PAEP: variants seen among roughly 807,000 people sequenced by gnomAD.
PAEP encodes glycodelin.
A neutral mutation model predicts 23.0 loss-of-function variants in PAEP; 28 were observed. That is an observed-to-expected ratio of 1.22 (90% confidence interval 0.90 to 1.67). The LOEUF (loss-of-function observed/expected upper bound fraction) is 1.67, where lower values mean the gene tolerates loss of function less well. PAEP is among the 40% of genes most tolerant of loss of function. The pLI, the probability that PAEP is intolerant of heterozygous loss-of-function variation, is 0.00. For synonymous variants in PAEP, 103 were observed against 92.4 expected (o/e 1.12, Z -0.66); for missense variants, 209 against 226.4 (o/e 0.92, Z 0.49).
At chr9:135,562,217 G>C in intron 1 of PAEP, 77 bp from the exon 2 acceptor site, 1 of 1,529,972 alleles carries the variant, frequency 6.5e-7, no homozygotes, top group Non-Finnish European at 8.9e-7. Flanking sequence ...ATCCCAGTTA[G>C]ACTCAGCCCC....
Position 135,565,259 on chromosome 9 carries a change from C to T in PAEP, c.422-151C>T, listed in dbSNP as rs1230985186. ...GTGCAGTGGACAGAGCCCCGGAGAC[C>T]GCCCTAGGGACCTACTCCAGACCAA... On this transcript the variant is annotated intron_variant, in intron 4 of 6. Transcript: ENST00000479141. The T allele has an allele frequency of 1.1e-5, 7 of 652,856 alleles. No individual in the cohort carries two copies. The East Asian group carries it at 1.1e-4, about 10-fold the overall frequency. 40.4% of individuals were successfully genotyped at this position (652,856 alleles called of 1,614,324 possible).
chr9:135,562,173 G>A, intron 1 of PAEP, 121 bp from the exon 2 acceptor site: 2 of 1,137,154 alleles, frequency 1.8e-6, no homozygotes, highest in Non-Finnish European at 2.5e-6. Context: ...GGATCTGGTA[G>A]ATAGCAGACA....
At position 135,562,896 on chromosome 9, in the gene PAEP, G is replaced by T. The variant is rs759872581; in HGVS notation, c.310+3G>T. 6.2e-7 allele frequency: 1 copy of T among 1,612,116 alleles called. No homozygotes were observed. Among genetic ancestry groups the T allele is most frequent in the Non-Finnish European group, 8.5e-7 (1 of 1,178,204 alleles). ...TCCAAAGAAGTTCAAGATCAACTGT[G>T]AGTGTCCCCAGGCCCCAAGGGCTGG... On this transcript the variant is annotated splice_donor_region_variant and intron_variant, in intron 3 of 6. Coordinates refer to ENST00000479141, the MANE Select transcript of PAEP (RefSeq NM_002571.4).
chr9:135,566,040 A>G (rs1832566206), intron 6 of PAEP, among the ~76,000 whole-genome samples: 1 of 152,092 alleles, frequency 6.6e-6, no homozygotes, highest in African/African-American at 2.4e-5. Flanking sequence ...CCCTATAGTC[A>G]GACCTCATGC....
At chr9:135,564,779 C>T (rs1369574951) in intron 4 of PAEP, 3 of 984,698 alleles carry the variant, frequency 3.0e-6, no homozygotes, top group Non-Finnish European at 2.4e-6. Context: ...GCTGGGATTA[C>T]AGGCGTGAGC....
chr9:135,565,223 G>A (rs1832520149), intron 4 of PAEP, 187 bp from the exon 5 acceptor site: 2 of 604,630 alleles, frequency 3.3e-6, no homozygotes, highest in South Asian at 2.0e-5. Context: ...CTGGGGTCAG[G>A]GAACCTGGAG....
intron 4 of PAEP, among the ~76,000 whole-genome samples, chr9:135,565,057 G>A (rs913047409): frequency 6.6e-6 from 1 of 152,106 alleles, no homozygotes; most frequent in Non-Finnish European, 1.5e-5. Context: ...TCACACAGGT[G>A]TCTTCTTGAT....
intron 4 of PAEP, 189 bp downstream of exon 4, chr9:135,564,543 A>C: frequency 2.1e-6 from 2 of 942,414 alleles, no homozygotes; most frequent in Non-Finnish European, 2.5e-6. Flanking sequence ...TCATTCTGTC[A>C]CTCAGGCTGG....
intron 5 of PAEP, 129 bp downstream of exon 5, chr9:135,565,643 C>T (rs561964518): frequency 2.3e-6 from 3 of 1,329,450 alleles, no homozygotes; most frequent in Middle Eastern, 1.8e-4. Flanking sequence ...TCTCCCCTGG[C>T]CTTCTGGGGT....
intron 1 of PAEP, 64 bp downstream of exon 1, chr9:135,561,961 A>G: frequency 8.1e-7 from 1 of 1,233,188 alleles, no homozygotes; most frequent in Non-Finnish European, 1.2e-6. Flanking sequence ...AGCTGCGGGC[A>G]GGCAGGAAGC....
Position 135,564,266 on chromosome 9 carries a change from G to A in PAEP, c.333G>A (p.Thr111=), listed in dbSNP as rs1013487391. 1.1e-5 allele frequency: 17 copies of A among 1,553,078 alleles called. No homozygotes were observed. Among genetic ancestry groups the A allele is most frequent in the East Asian group, 4.9e-5 (2 of 41,214 alleles). ...KINYTVANEA[T]LLDTDYDNFL... is the part of the protein sequence containing the mutation. The stretch of plus-strand genomic sequence containing the variant: ...CAGATACGGTGGCGAACGAGGCCAC[G>A]CTGCTCGATACTGACTACGACAATT... Residue 111 remains threonine, a synonymous_variant, in exon 4 of 7, where the codon ACG becomes ACA. Coordinates refer to ENST00000479141, the MANE Select transcript of PAEP (RefSeq NM_002571.4).
chr9:135,562,889 C>A lies in PAEP; in HGVS notation c.306C>A (p.Ile102=). 1.2e-6 allele frequency: 2 copies of A among 1,612,434 alleles called. No homozygotes were observed. Among genetic ancestry groups the A allele is most frequent in the South Asian group, 2.2e-5 (2 of 90,976 alleles). ...EKTENPKKFK[I]NYTVANEATL... ...CTGAGAATCCAAAGAAGTTCAAGAT[C>A]AACTGTGAGTGTCCCCAGGCCCCAA... is the stretch of plus-strand genomic sequence containing the variant. Residue 102 remains isoleucine (I), a synonymous_variant, in exon 3 of 7, where the codon ATC becomes ATA. Coordinates refer to ENST00000479141, the MANE Select transcript of PAEP (RefSeq NM_002571.4).
chr9:135,563,416 G>A (rs1190882131), intron 3 of PAEP, among the ~76,000 whole-genome samples: 1 of 148,786 alleles, frequency 6.7e-6, no homozygotes, highest in Non-Finnish European at 1.5e-5. Flanking sequence ...GTGGGTAGGT[G>A]GACAGGTGGG....
At chr9:135,564,871 G>A (rs912972408) in intron 4 of PAEP, 50 of 985,322 alleles carry the variant, frequency 5.1e-5, no homozygotes, top group Admixed American at 6.1e-5. Flanking sequence ...TAGGGCCAGT[G>A]GGACGGTCGC....
chr9:135,565,965 G>A, intron 6 of PAEP, 164 bp downstream of exon 6: 1 of 769,398 alleles, frequency 1.3e-6, no homozygotes, highest in Non-Finnish European at 2.3e-6. Flanking sequence ...AAGCCAGGCT[G>A]CTGACGTCCC....
At position 135,562,884 on chromosome 9, in the gene PAEP, A is replaced by C. The variant is rs1486872705; in HGVS notation, c.301A>C (p.Lys101Gln). The C allele has an allele frequency of 1.2e-6, 2 of 1,613,218 alleles. No homozygotes were observed. The highest frequency in any genetic ancestry group is 1.7e-6 in the Non-Finnish European group (2 of 1,179,266). ...GEKTENPKKF[K>Q]INYTVANEAT... ...GAAGACTGAGAATCCAAAGAAGTTC[A>C]AGATCAACTGTGAGTGTCCCCAGGC... The change falls in exon 3 of 7, where the codon AAG (lysine) becomes CAG (glutamine). Residue 101 changes from lysine to glutamine, a missense_variant. Lys to Gln is a moderately conservative substitution (Grantham distance 53). Coordinates refer to ENST00000479141, the MANE Select transcript of PAEP (RefSeq NM_002571.4).
intron 2 of PAEP, 150 bp downstream of exon 2, chr9:135,562,583 G>T: frequency 3.6e-6 from 4 of 1,113,818 alleles, no homozygotes; most frequent in East Asian, 2.4e-5. Flanking sequence ...TGAGGGTGGG[G>T]TGGAAAACCA....
chr9:135,562,419 C>G lies in PAEP; in HGVS notation c.222C>G (p.Ile74Met), dbSNP rs773756004. 1.9e-5 allele frequency: 31 copies of G among 1,613,766 alleles called. No homozygotes were observed. In the Admixed American group the frequency reaches 4.8e-4, roughly 25 times the overall value. ...CCACCCCCGAGGACAACCTGGAGAT[C>G]GTTCTGCACAGATGGTGGGTTTCTC... The part of the protein sequence containing the change: ...LLPTPEDNLE[I>M]VLHRWENNSC... The change falls in exon 2 of 7, where the codon ATC becomes ATG. Residue 74 changes from isoleucine (I) to methionine (M), a missense_variant. Transcript: ENST00000479141.
At chr9:135,563,354 T>TTAGGTGAGCAGGTGGGCAGGTGGA (rs1832409763) in intron 3 of PAEP, among the ~76,000 whole-genome samples, 2 of 130,196 alleles carry the variant, frequency 1.5e-5, no homozygotes, top group Non-Finnish European at 3.4e-5. Context: ...GAGCAGGTGG[T>TTAGGTGAGCAGGTGGGCAGGTGGA]TAGGTGAACA....
Sources: gnomAD v4.1 joint callset for allele counts (sites outside exome capture counted in the v4.1 genomes callset) on GRCh38, gnomAD v4.1.1 for gene constraint, MANE v1.5 for transcripts, NCBI Gene and HGNC (gene_info 2026-07-23, HGNC 2026-07-21) for gene names.